The following FMN2 variants were observed in gnomAD, a reference collection of about 807,000 sequenced individuals.
The protein encoded by FMN2 is formin-2.
A neutral mutation model predicts 142.3 loss-of-function variants in FMN2; 51 were observed. The ratio of observed to expected loss-of-function variants is 0.36; its 90% CI spans 0.29 to 0.45. FMN2 has a LOEUF of 0.45. FMN2 is among the 20% of genes least tolerant of loss of function. The pLI is 1.00. For synonymous variants in FMN2, 882 were observed against 869.8 expected (o/e 1.01, Z -0.25); for missense variants, 1,936 against 2,122.8 (o/e 0.91, Z 1.73).
At chr1:240,191,560 G>C (rs1211655739) in intron 4 of FMN2, among the ~76,000 whole-genome samples, 1 of 152,192 alleles carries the variant, frequency 6.6e-6, no homozygotes, top group Non-Finnish European at 1.5e-5. Context: ...AAACTGAAAT[G>C]CGACTGTCTT....
intron 14 of FMN2, among the ~76,000 whole-genome samples, chr1:240,373,860 T>C (rs996163088): frequency 2.0e-5 from 3 of 152,236 alleles, no homozygotes; most frequent in Non-Finnish European, 4.4e-5. Flanking sequence ...TGAATCCTTT[T>C]AGATAGTTTT....
At chr1:240,401,432 G>A (rs1673986903) in intron 15 of FMN2, among the ~76,000 whole-genome samples, 1 of 152,154 alleles carries the variant, frequency 6.6e-6, no homozygotes, top group Non-Finnish European at 1.5e-5. Flanking sequence ...CGTTGAGACA[G>A]AAAATACACG....
At chr1:240,279,640 G>GTATT (rs1211304881) in intron 7 of FMN2, among the ~76,000 whole-genome samples, 2 of 152,108 alleles carry the variant, frequency 1.3e-5, no homozygotes, top group African/African-American at 4.8e-5. Flanking sequence ...TATTTGAAAA[G>GTATT]TATTTATTTT....
chr1:240,124,960 C>T (rs1662441111), intron 2 of FMN2, among the ~76,000 whole-genome samples: 1 of 152,210 alleles, frequency 6.6e-6, no homozygotes, highest in Admixed American at 6.5e-5. Flanking sequence ...GCCACTGCGC[C>T]TGGCCGTGGT....
intron 13 of FMN2, among the ~76,000 whole-genome samples, chr1:240,347,403 T>C (rs1375811738): frequency 6.6e-6 from 1 of 152,172 alleles, no homozygotes; most frequent in South Asian, 2.1e-4. Flanking sequence ...TCCATCTCCA[T>C]CTCAAAGCCA....
At chr1:240,421,837 TTTCTTA>T (rs1486383366) in intron 15 of FMN2, among the ~76,000 whole-genome samples, 1 of 151,836 alleles carries the variant, frequency 6.6e-6, no homozygotes, top group Non-Finnish European at 1.5e-5. Context: ...GGGAGAACAT[TTTCTTA>T]GGTAGCAGTG....
chr1:240,215,058 C>A (rs1666841897), intron 6 of FMN2, among the ~76,000 whole-genome samples: 1 of 151,990 alleles, frequency 6.6e-6, no homozygotes. Flanking sequence ...CAGATTAAGA[C>A]CCTCTCTCAG....
chr1:240,364,542 C>A (rs1344999401), intron 14 of FMN2, among the ~76,000 whole-genome samples: 2 of 152,082 alleles, frequency 1.3e-5, no homozygotes, highest in Non-Finnish European at 2.9e-5. Flanking sequence ...TGAAGTGATT[C>A]TTCTGGAAAC....
At chr1:240,330,907 T>A (rs547188667) in intron 11 of FMN2, among the ~76,000 whole-genome samples, 158 bp downstream of exon 11, 2 of 152,324 alleles carry the variant, frequency 1.3e-5, no homozygotes, top group East Asian at 1.9e-4. Flanking sequence ...CATCAGATAT[T>A]TGTGATTTTG....
At position 240,334,195 on chromosome 1, in the gene FMN2, A is replaced by G. The variant is rs758433666; in HGVS notation, c.4731A>G (p.Gln1577=). The G allele has an allele frequency of 1.2e-6, 2 of 1,605,718 alleles. No individual in the cohort carries two copies. The highest frequency in any genetic ancestry group is 1.3e-5 in the African/African-American group (1 of 74,450). The change falls in exon 13 of 18, where the codon CAA becomes CAG. Residue 1577 remains glutamine, a synonymous_variant. Coordinates refer to ENST00000319653, the MANE Select transcript of FMN2 (RefSeq NM_020066.5). ...CACAGATGAAGTTTGAAGATTTTCA[A>G]AAAGATCTCAGAAAACTGAAGAAAG... ...QASQMKFEDF[Q]KDLRKLKKDL...
chr1:240,401,776 G>A (rs1673998658), intron 15 of FMN2, among the ~76,000 whole-genome samples: 1 of 152,178 alleles, frequency 6.6e-6, no homozygotes, highest in African/African-American at 2.4e-5. Flanking sequence ...CATTCCATAT[G>A]CTCACCAAGG....
intron 6 of FMN2, among the ~76,000 whole-genome samples, chr1:240,220,667 TTGTGTGTGTG>T (rs71792127): frequency 6.7e-6 from 1 of 149,094 alleles, no homozygotes. Flanking sequence ...GAGTCTGTGT[TTGTGTGTGTG>T]TGTGTGTGTG....
chr1:240,340,454 G>T (rs565213976), intron 13 of FMN2, among the ~76,000 whole-genome samples: 1 of 151,926 alleles, frequency 6.6e-6, no homozygotes, highest in Admixed American at 6.6e-5. Flanking sequence ...GGTGGTGGGC[G>T]CCTGTAATCC....
Position 240,151,523 on chromosome 1 carries a change from A to C in FMN2, c.1783-26398A>C, listed in dbSNP as rs112828255. Among the ~76,000 whole-genome samples the C allele has an allele frequency of 5.9e-5, 9 of 152,230 alleles. 1 individual carries two copies. Among genetic ancestry groups the C allele is most frequent in the African/African-American group, 1.9e-4 (8 of 41,554 alleles). On this transcript the variant is annotated intron_variant, in intron 2 of 17. Transcript: ENST00000319653. ...ACCTTCAGCTAACACCTTTGAGAAA[A>C]TGTAAGCTCCGGTGTGGGCGAAGTC...
At chr1:240,116,064 T>C (rs574092307) in intron 1 of FMN2, among the ~76,000 whole-genome samples, 1 of 152,322 alleles carries the variant, frequency 6.6e-6, no homozygotes, top group South Asian at 2.1e-4. Flanking sequence ...TGCTAATGAT[T>C]ATCTTTGGCA....
chr1:240,341,372 G>A (rs1450531324), intron 13 of FMN2: 1 of 152,000 alleles, frequency 6.6e-6, no homozygotes, highest in Non-Finnish European at 1.5e-5. Context: ...TTCCTATGTG[G>A]TGTTAGAATG....
At chr1:240,282,038 T>C (rs978984149) in intron 7 of FMN2, among the ~76,000 whole-genome samples, 8 of 152,220 alleles carry the variant, frequency 5.3e-5, no homozygotes, top group African/African-American at 1.9e-4. Flanking sequence ...TACAAAGGTA[T>C]ATGTGCTATT....
chr1:240,360,560 G>C (rs1672427637), intron 14 of FMN2, among the ~76,000 whole-genome samples: 1 of 152,150 alleles, frequency 6.6e-6, no homozygotes, highest in Admixed American at 6.5e-5. Context: ...ATCTTACAGA[G>C]TGTGAAACCA....
At chr1:240,355,951 CAAAAAAAAAAAAAAAAAAA>C (rs58002724) in intron 14 of FMN2, 43 bp downstream of exon 14, 85,231 of 252,950 alleles carry the variant, frequency 0.34, 6,188 homozygotes, top group Admixed American at 0.42. Flanking sequence ...CCCCTTTCAG[CAAAAAAAAAAAAAAAAAAA>C]AAAAAAAAAA....
Sources: allele counts gnomAD v4.1 joint callset (sites outside exome capture counted in the v4.1 genomes callset), GRCh38; gene constraint gnomAD v4.1.1; transcripts MANE v1.5; gene names NCBI Gene and HGNC (gene_info 2026-07-23, HGNC 2026-07-21).